DOCK5: variants seen among roughly 807,000 people sequenced by gnomAD.
DOCK5 encodes dedicator of cytokinesis 5.
DOCK5 carries 142 observed loss-of-function variants against 251.8 expected under a neutral mutation model. The ratio of observed to expected loss-of-function variants is 0.56; its 90% CI spans 0.49 to 0.65. The LOEUF (loss-of-function observed/expected upper bound fraction) is 0.65, where lower values mean the gene tolerates loss of function less well. DOCK5 is among the 30% of genes least tolerant of loss of function. The pLI, the probability that DOCK5 is intolerant of heterozygous loss-of-function variation, is 0.00. For missense variants in DOCK5, 2,111 were observed against 2,312.3 expected, an observed-to-expected ratio of 0.91 and a Z score of 1.79; for synonymous variants, 842 against 835.5, an observed-to-expected ratio of 1.01 and a Z score of -0.13.
chr8:25,376,448 C>A, intron 37 of DOCK5: 1 of 833,266 alleles, frequency 1.2e-6, no homozygotes, highest in Non-Finnish European at 1.4e-6. Flanking sequence ...GGGTCTCTGT[C>A]TGTTCATGTA....
chr8:25,222,402 G>A (rs922382978), intron 1 of DOCK5, among the ~76,000 whole-genome samples: 2 of 152,108 alleles, frequency 1.3e-5, no homozygotes, highest in African/African-American at 4.8e-5. Flanking sequence ...AGGCTGGGGG[G>A]ATATGAGAGC....
chr8:25,400,845 A>T (rs1801426277), intron 46 of DOCK5, 84 bp from the exon 47 acceptor site: 4 of 1,503,118 alleles, frequency 2.7e-6, no homozygotes, highest in Non-Finnish European at 3.7e-6. Flanking sequence ...TTACCTTTCC[A>T]CCCCATCCCT....
chr8:25,341,951 G>T (rs1302883720), intron 24 of DOCK5, 142 bp downstream of exon 24: 2 of 704,692 alleles, frequency 2.8e-6, no homozygotes, highest in Non-Finnish European at 4.6e-6. Flanking sequence ...TTCTGTGGAA[G>T]ATGCAAAAGA....
Position 25,360,383 on chromosome 8 carries a change from T to C in DOCK5, c.2949+1322T>C, listed in dbSNP as rs529674742. ...GCATGGCATGGGAACCATAGCAATA[T>C]GTAGATGTGCCTGTGGAGACCAGGC... On this transcript the variant is annotated intron_variant, in intron 28 of 51. Transcript: ENST00000276440. Among the ~76,000 whole-genome samples, 28 of 151,922 alleles carry C rather than the reference T, an allele frequency of 1.8e-4. 2 individuals carry two copies. The South Asian group carries it at 5.8e-3, about 32-fold the overall frequency.
At chr8:25,220,197 TTG>T (rs1198537262) in intron 1 of DOCK5, among the ~76,000 whole-genome samples, 4 of 151,244 alleles carry the variant, frequency 2.6e-5, no homozygotes, top group Admixed American at 1.3e-4. Context: ...TTCCTTTTCT[TTG>T]TGTGTGTGTG....
At chr8:25,362,437 TTTTTCTTTTC>T (rs140170700) in intron 28 of DOCK5, among the ~76,000 whole-genome samples, 5,615 of 125,052 alleles carry the variant, frequency 0.045, 208 homozygotes, top group African/African-American at 0.059. Context: ...TTTTTTTCCT[TTTTTCTTTTC>T]TTTTCTTTTC....
In DOCK5 at chr8:25,395,729, GTCCCAGAATCCCCTAGGGAT is replaced by G. The variant is rs547893208; in HGVS notation, c.4704+13_4704+32del. 1,135 of 1,612,018 alleles carry G rather than the reference GTCCCAGAATCCCCTAGGGAT, an allele frequency of 7.0e-4. 22 individuals carry two copies. In the South Asian group the frequency reaches 0.012, roughly 16 times the overall value. Reference sequence around the variant, plus strand: ...CTCCAACTATGAAAAGGTTCGCTTGGTCCCAGAATCCCCTAGGGATTCACAGACCTGGGTGTCTGTGTGCC... The same window carrying G: ...CTCCAACTATGAAAAGGTTCGCTTGGTCACAGACCTGGGTGTCTGTGTGCC... On this transcript the variant is annotated intron_variant, in intron 45 of 51. Transcript: ENST00000276440.
At chr8:25,313,127 ACTC>A (rs1343859219) in intron 13 of DOCK5, among the ~76,000 whole-genome samples, 1 of 151,466 alleles carries the variant, frequency 6.6e-6, no homozygotes, top group Non-Finnish European at 1.5e-5. Flanking sequence ...TGGGCTCAGA[ACTC>A]CTTCCTGTTG....
intron 1 of DOCK5, among the ~76,000 whole-genome samples, chr8:25,203,724 G>T (rs963894075): frequency 2.0e-5 from 3 of 152,192 alleles, no homozygotes; most frequent in African/African-American, 7.2e-5. Context: ...CAATTTTAAA[G>T]ATCAGATTGG....
chr8:25,386,150 C>G (rs1421381124), intron 40 of DOCK5, among the ~76,000 whole-genome samples: 2 of 152,122 alleles, frequency 1.3e-5, no homozygotes, highest in Non-Finnish European at 2.9e-5. Flanking sequence ...CCAAAAGGCA[C>G]AAGTCAACCA....
chr8:25,215,491 G>T (rs548450228), intron 1 of DOCK5, among the ~76,000 whole-genome samples: 3 of 152,172 alleles, frequency 2.0e-5, no homozygotes, highest in African/African-American at 7.2e-5. Context: ...GCCGAGTAAG[G>T]TCACTGGTGC....
At chr8:25,317,359 T>C in intron 14 of DOCK5, 1 of 424,116 alleles carries the variant, frequency 2.4e-6, no homozygotes, top group Non-Finnish European at 4.1e-6. Flanking sequence ...TGCTAAGAAA[T>C]AGCTCCAGCC....
intron 37 of DOCK5, chr8:25,375,633 C>G (rs1344237918): frequency 5.2e-6 from 5 of 956,322 alleles, no homozygotes; most frequent in Non-Finnish European, 3.7e-6. Flanking sequence ...TTTGGTGTCT[C>G]TGCCTCCAGT....
At chr8:25,298,914 G>C in intron 7 of DOCK5, 30 bp from the exon 8 acceptor site, 5 of 1,555,412 alleles carry the variant, frequency 3.2e-6, no homozygotes, top group Non-Finnish European at 4.3e-6. Context: ...CCAAAATCAA[G>C]ATGTTTTTCT....
intron 45 of DOCK5, among the ~76,000 whole-genome samples, chr8:25,398,477 T>C (rs1167630329): frequency 6.6e-6 from 1 of 152,182 alleles, no homozygotes; most frequent in Non-Finnish European, 1.5e-5. Flanking sequence ...CCAAACTGGG[T>C]GGCTTAAAAC....
chr8:25,210,008 T>TTATATATATATATA (rs375221561), intron 1 of DOCK5, among the ~76,000 whole-genome samples: 6 of 27,212 alleles, frequency 2.2e-4, no homozygotes, highest in African/African-American at 6.5e-4. Flanking sequence ...CCCCGGCTAA[T>TTATATATATATATA]TATATATATA....
chr8:25,390,055 C>T, intron 41 of DOCK5, 151 bp from the exon 42 acceptor site: 1 of 516,082 alleles, frequency 1.9e-6, no homozygotes, highest in East Asian at 3.4e-5. Context: ...CACAAAGGAA[C>T]TCCCATTTTC....
At chr8:25,384,431 T>TTTTA (rs200273148) in intron 40 of DOCK5, among the ~76,000 whole-genome samples, 108 of 132,768 alleles carry the variant, frequency 8.1e-4, no homozygotes, top group African/African-American at 2.9e-3. Flanking sequence ...AATATTATTA[T>TTTTA]TTTATTTATT....
intron 11 of DOCK5, chr8:25,305,293 A>G (rs78276653): frequency 6.8e-6 from 1 of 146,176 alleles, no homozygotes; most frequent in South Asian, 2.1e-4. Flanking sequence ...ACATTATGCA[A>G]AAAAAAAAAA....
Sources: gnomAD v4.1 joint callset for allele counts (sites outside exome capture counted in the v4.1 genomes callset) on GRCh38, gnomAD v4.1.1 for gene constraint, MANE v1.5 for transcripts, NCBI Gene and HGNC (gene_info 2026-07-23, HGNC 2026-07-21) for gene names.